Variants in CDH11 observed in about 807,000 individuals in gnomAD.
The protein encoded by CDH11 is cadherin 11.
Under a neutral mutation model 67.8 loss-of-function variants are expected in CDH11, and 11 were observed. That is an observed-to-expected ratio of 0.16 (90% CI 0.10 to 0.27). The LOEUF is 0.27. Ranked by LOEUF, CDH11 falls within the 10% of genes least tolerant of loss-of-function variation. The probability of loss-of-function intolerance (pLI) is 1.00; values close to 1 mark genes in which losing one functional copy is unlikely to be tolerated. For synonymous variants in CDH11, 419 were observed against 400.0 expected (o/e 1.05, Z -0.57); for missense variants, 847 against 1,031.2 (o/e 0.82, Z 2.45).
intron 2 of CDH11, among the ~76,000 whole-genome samples, chr16:65,018,501 T>G (rs2142570211): frequency 6.6e-6 from 1 of 152,266 alleles, no homozygotes; most frequent in African/African-American, 2.4e-5. Flanking sequence ...TTCCAAATTC[T>G]GAAGAAATAG....
At chr16:64,948,487 G>A in intron 12 of CDH11, 1 of 864,844 alleles carries the variant, frequency 1.2e-6, no homozygotes, top group South Asian at 1.5e-5. Flanking sequence ...GTTTTTCCAA[G>A]GTTTAAAAAT....
At chr16:65,059,523 C>T (rs2074202647) in intron 1 of CDH11, 1 of 152,204 alleles carries the variant, frequency 6.6e-6, no homozygotes, top group Admixed American at 6.5e-5. Flanking sequence ...CTGCACAATA[C>T]CTGACGGCCA....
chr16:65,002,037 T>G (rs930495688), intron 3 of CDH11, among the ~76,000 whole-genome samples: 1 of 152,190 alleles, frequency 6.6e-6, no homozygotes, highest in Non-Finnish European at 1.5e-5. Flanking sequence ...TCAAAGGTTG[T>G]TAGGAAATAA....
At chr16:65,090,291 A>C (rs1475493566) in intron 1 of CDH11, among the ~76,000 whole-genome samples, 1 of 152,078 alleles carries the variant, frequency 6.6e-6, no homozygotes, top group Non-Finnish European at 1.5e-5. Flanking sequence ...CTTTGAAAAG[A>C]ATGTATACAG....
intron 11 of CDH11, among the ~76,000 whole-genome samples, chr16:64,951,598 C>T (rs2071363485): frequency 6.6e-6 from 1 of 152,062 alleles, no homozygotes; most frequent in Non-Finnish European, 1.5e-5. Context: ...GCAATCTACT[C>T]TATGTTAGCA....
chr16:65,022,180 A>C (rs776194113), intron 2 of CDH11, among the ~76,000 whole-genome samples: 1 of 152,182 alleles, frequency 6.6e-6, no homozygotes, highest in African/African-American at 2.4e-5. Context: ...GAAACCTTAA[A>C]AGGAAACATA....
chr16:64,998,657 G>A lies in CDH11; in HGVS notation c.428C>T (p.Ser143Leu). 1 of 1,614,054 alleles carries A rather than the reference G, an allele frequency of 6.2e-7. No homozygotes were observed. Among genetic ancestry groups the A allele is most frequent in the Non-Finnish European group, 8.5e-7 (1 of 1,180,022 alleles). Residue 143 changes from serine (S) to leucine (L), a missense_variant, in exon 4 of 13, where the codon TCG becomes TTG. By Grantham distance (145) the Ser-to-Leu change is moderately radical. Around this residue, in one of 2 missense-constraint regions of CDH11, gnomAD observed 235 missense variants for 352.5 expected, o/e 0.67. Coordinates refer to ENST00000268603, the MANE Select transcript of CDH11 (RefSeq NM_001797.4). The stretch of plus-strand genomic sequence containing the variant: ...GTCCTGGACCTTGACAATGAATTCC[G>A]ACGGTGGCTCCAGTGGCCGATTGGT... ...RDTNRPLEPP[S>L]EFIVKVQDIN...
chr16:64,989,621 G>A (rs974509444), intron 6 of CDH11, among the ~76,000 whole-genome samples: 1 of 152,156 alleles, frequency 6.6e-6, no homozygotes, highest in Non-Finnish European at 1.5e-5. Context: ...AGAGAGAAGG[G>A]CTGTAAGGAA....
intron 3 of CDH11, among the ~76,000 whole-genome samples, chr16:65,002,001 A>G (rs969976894): frequency 2.6e-5 from 4 of 152,336 alleles, no homozygotes; most frequent in Middle Eastern, 3.4e-3. Context: ...GGGCATCTTA[A>G]GCACTCAACC....
chr16:64,953,425 C>T (rs1188272995), intron 11 of CDH11, among the ~76,000 whole-genome samples: 1 of 152,058 alleles, frequency 6.6e-6, no homozygotes, highest in African/African-American at 2.4e-5. Flanking sequence ...CTGTCCTTCA[C>T]TGCCAACATT....
At chr16:65,065,975 C>T (rs1490137216) in intron 1 of CDH11, among the ~76,000 whole-genome samples, 4 of 152,346 alleles carry the variant, frequency 2.6e-5, no homozygotes, top group Non-Finnish European at 4.4e-5. Context: ...GTTACTGATG[C>T]CACCTGCCTT....
intron 1 of CDH11, among the ~76,000 whole-genome samples, chr16:65,060,372 G>GC (rs1567554853): frequency 5.8e-4 from 87 of 150,586 alleles, no homozygotes; most frequent in Admixed American, 8.6e-4. Context: ...GAGAGAGAGA[G>GC]ACTATATTAT....
At chr16:64,952,650 GCATACACACATACACACACA>G (rs1172178155) in intron 11 of CDH11, among the ~76,000 whole-genome samples, 1 of 145,770 alleles carries the variant, frequency 6.9e-6, no homozygotes, top group Non-Finnish European at 1.5e-5. Context: ...ACACATACAT[GCATACACACATACACACACA>G]CATACACACA....
intron 1 of CDH11, among the ~76,000 whole-genome samples, chr16:65,065,114 G>C (rs950612107): frequency 7.2e-5 from 11 of 152,194 alleles, no homozygotes; most frequent in Admixed American, 7.2e-4. Context: ...GGACAGAGAA[G>C]GAATTACAGG....
At chr16:64,965,091 G>A (rs1258283244) in intron 11 of CDH11, among the ~76,000 whole-genome samples, 2 of 149,614 alleles carry the variant, frequency 1.3e-5, no homozygotes, top group African/African-American at 4.9e-5. Flanking sequence ...AGGCATGGTG[G>A]CTCACGTCTG....
At chr16:65,034,484 G>A (rs758974487) in intron 2 of CDH11, among the ~76,000 whole-genome samples, 3 of 152,178 alleles carry the variant, frequency 2.0e-5, no homozygotes, top group Non-Finnish European at 4.4e-5. Flanking sequence ...CATGTACCCT[G>A]AGAAGTAATG....
chr16:65,084,558 A>T (rs917999874), intron 1 of CDH11, among the ~76,000 whole-genome samples: 2 of 152,244 alleles, frequency 1.3e-5, no homozygotes, highest in Admixed American at 6.5e-5. Flanking sequence ...CACACACATT[A>T]ACAACAAGGA....
At chr16:65,066,728 TA>T (rs1381497734) in intron 1 of CDH11, among the ~76,000 whole-genome samples, 2 of 152,220 alleles carry the variant, frequency 1.3e-5, no homozygotes, top group African/African-American at 4.8e-5. Context: ...TTTGTTGTTT[TA>T]AGAAACCATT....
At chr16:64,973,187 T>G (rs2072061671) in intron 8 of CDH11, 147 bp from the exon 9 acceptor site, 1 of 795,420 alleles carries the variant, frequency 1.3e-6, no homozygotes, top group Non-Finnish European at 2.0e-6. Flanking sequence ...CTTTTGAAAC[T>G]TTGTACACGA....
Sources: allele counts gnomAD v4.1 joint callset (sites outside exome capture counted in the v4.1 genomes callset), GRCh38; gene constraint gnomAD v4.1.1; regional missense constraint gnomAD v4.1.1; transcripts MANE v1.5; gene names NCBI Gene and HGNC (gene_info 2026-07-23, HGNC 2026-07-21).